NAALADL2: variants seen among roughly 807,000 people sequenced by gnomAD.
NAALADL2 encodes inactive N-acetylated-alpha-linked acidic dipeptidase-like protein 2.
In NAALADL2, 76 loss-of-function variants were observed where a neutral mutation model predicts 87.2. The ratio of observed to expected loss-of-function variants is 0.87; its 90% CI spans 0.72 to 1.05. The LOEUF is 1.05. NAALADL2 is among the 50% of genes least tolerant of loss of function. The probability of loss-of-function intolerance (pLI) is 0.00; values close to 1 mark genes in which losing one functional copy is unlikely to be tolerated. For synonymous variants in NAALADL2, 354 were observed against 331.0 expected (o/e 1.07, Z -0.75); for missense variants, 1,089 against 945.8 (o/e 1.15, Z -1.99).
chr3:174,908,021 GTTTTTTTTTTTT>G (rs35051279), intron 1 of NAALADL2, among the ~76,000 whole-genome samples: 1 of 82,558 alleles, frequency 1.2e-5, no homozygotes, highest in Admixed American at 1.4e-4. Context: ...AGAGAAGTTG[GTTTTTTTTTTTT>G]TTTTTTTTTT....
intron 4 of NAALADL2, among the ~76,000 whole-genome samples, chr3:175,314,666 CTATA>C (rs60572633): frequency 1.9e-3 from 57 of 30,720 alleles, no homozygotes; most frequent in South Asian, 4.1e-3. Flanking sequence ...ATAGTTCTAA[CTATA>C]TATATATATA....
At chr3:174,651,209 ATTG>A (rs1724324682) in intron 2 of NAALADL2, among the ~76,000 whole-genome samples, 1 of 152,156 alleles carries the variant, frequency 6.6e-6, no homozygotes, top group Non-Finnish European at 1.5e-5. Flanking sequence ...TTTCTGTTGC[ATTG>A]TTATCAGTGC....
intron 11 of NAALADL2, among the ~76,000 whole-genome samples, chr3:175,674,428 GT>G (rs200946814): frequency 2.0e-5 from 3 of 148,794 alleles, no homozygotes; most frequent in African/African-American, 7.5e-5. Context: ...CCTGGCTAAT[GT>G]TTTTTTTTGC....
chr3:174,927,349 C>T (rs1579568239), intron 1 of NAALADL2, among the ~76,000 whole-genome samples: 2 of 152,260 alleles, frequency 1.3e-5, no homozygotes, highest in African/African-American at 4.8e-5. Context: ...AGCTCTGCAC[C>T]AAGCAGACCT....
chr3:175,217,763 T>A (rs943333310), intron 2 of NAALADL2, among the ~76,000 whole-genome samples: 3 of 152,204 alleles, frequency 2.0e-5, no homozygotes, highest in African/African-American at 7.2e-5. Context: ...AAAACAAGCT[T>A]AAGAAGCCAA....
chr3:175,148,105 TAATAATAATAATAATAATAA>T, intron 2 of NAALADL2, among the ~76,000 whole-genome samples: 1 of 146,712 alleles, frequency 6.8e-6, no homozygotes, highest in Non-Finnish European at 1.5e-5. Flanking sequence ...ATAATAATAA[TAATAATAATAATAATAATAA>T]AATAATAATA....
chr3:174,931,651 AG>A (rs1185525214), intron 1 of NAALADL2, among the ~76,000 whole-genome samples: 1 of 152,184 alleles, frequency 6.6e-6, no homozygotes, highest in African/African-American at 2.4e-5. Context: ...TATCTCTTCA[AG>A]GGTAGATAAG....
At chr3:174,791,285 T>C (rs537212936) in intron 3 of NAALADL2, among the ~76,000 whole-genome samples, 2 of 152,298 alleles carry the variant, frequency 1.3e-5, no homozygotes, top group East Asian at 3.9e-4. Flanking sequence ...GGTCTGAATG[T>C]TCGCATTCTC....
intron 1 of NAALADL2, among the ~76,000 whole-genome samples, chr3:174,866,817 A>G (rs543220549): frequency 4.0e-5 from 6 of 151,828 alleles, no homozygotes; most frequent in Non-Finnish European, 7.4e-5. Context: ...AAAGAAAAAA[A>G]TTACTAAGAA....
chr3:174,945,668 A>T (rs528190327), intron 1 of NAALADL2, among the ~76,000 whole-genome samples: 147 of 152,302 alleles, frequency 9.7e-4, no homozygotes, highest in Middle Eastern at 3.4e-3. Context: ...AACCTATATT[A>T]AAATTCCTAG....
chr3:175,313,681 C>T (rs1303160860), intron 4 of NAALADL2, among the ~76,000 whole-genome samples: 1 of 152,100 alleles, frequency 6.6e-6, no homozygotes, highest in Non-Finnish European at 1.5e-5. Flanking sequence ...GCCCAAATGG[C>T]AATAACAGCA....
chr3:174,866,049 G>A lies in NAALADL2; in HGVS notation c.43+6599G>A, dbSNP rs566490370. Among the ~76,000 whole-genome samples, 3 of 151,916 alleles carry A rather than the reference G, an allele frequency of 2.0e-5. No homozygotes were observed. In the South Asian group the frequency reaches 6.2e-4, roughly 32 times the overall value. ...AAGCAGGTGACAAATTTGCTTTCAA[G>A]CCTCCTAGCAGCCAAAAGAAAATAA... On this transcript the variant is annotated intron_variant, in intron 1 of 13. Transcript: ENST00000454872.
intron 11 of NAALADL2, among the ~76,000 whole-genome samples, chr3:175,701,223 C>A (rs993722582): frequency 6.6e-6 from 1 of 152,036 alleles, no homozygotes; most frequent in Admixed American, 6.6e-5. Flanking sequence ...AAGTGAGGCA[C>A]CCTATGTAGG....
At chr3:175,728,534 C>T (rs1442228822) in intron 11 of NAALADL2, among the ~76,000 whole-genome samples, 1 of 152,126 alleles carries the variant, frequency 6.6e-6, no homozygotes, top group Non-Finnish European at 1.5e-5. Flanking sequence ...TCCCTCCACT[C>T]TTCTTGCCCA....
intron 1 of NAALADL2, among the ~76,000 whole-genome samples, chr3:174,925,035 A>G (rs555512483): frequency 1.3e-5 from 2 of 152,182 alleles, no homozygotes; most frequent in East Asian, 3.9e-4. Context: ...GCTCACTCTG[A>G]TGGTAGTTTC....
At chr3:174,759,718 G>A (rs867814415) in intron 3 of NAALADL2, among the ~76,000 whole-genome samples, 81 of 123,226 alleles carry the variant, frequency 6.6e-4, no homozygotes, top group Middle Eastern at 5.0e-3. Context: ...TTTTTTTTTT[G>A]AGATGGAGTC....
chr3:175,564,969 A>G (rs1338487900), intron 9 of NAALADL2, among the ~76,000 whole-genome samples: 2 of 152,268 alleles, frequency 1.3e-5, no homozygotes, highest in African/African-American at 2.4e-5. Context: ...AATGTGGCAA[A>G]GGAATCCATG....
chr3:175,231,617 G>T (rs1744948620), intron 2 of NAALADL2, among the ~76,000 whole-genome samples: 1 of 152,042 alleles, frequency 6.6e-6, no homozygotes, highest in African/African-American at 2.4e-5. Flanking sequence ...AAGCAACTGA[G>T]ACCAACAAAA....
At chr3:175,725,062 G>A (rs1478336467) in intron 11 of NAALADL2, among the ~76,000 whole-genome samples, 5 of 151,936 alleles carry the variant, frequency 3.3e-5, no homozygotes, top group Admixed American at 2.6e-4. Context: ...TTCCTAAAGA[G>A]AAAACTAAAA....
Sources: allele counts gnomAD v4.1 joint callset (sites outside exome capture counted in the v4.1 genomes callset), GRCh38; gene constraint gnomAD v4.1.1; transcripts MANE v1.5; gene names NCBI Gene and HGNC (gene_info 2026-07-23, HGNC 2026-07-21).